Variants in MAGI2 observed in about 807,000 individuals in gnomAD.
MAGI2 encodes membrane associated guanylate kinase, WW and PDZ domain containing 2, also known as membrane-associated guanylate kinase, WW and PDZ domain-containing protein 2.
In MAGI2, 35 loss-of-function variants were observed where a neutral mutation model predicts 133.3. The observed-to-expected ratio is 0.26, with a 90% CI of 0.20 to 0.35. The LOEUF (loss-of-function observed/expected upper bound fraction) is 0.35, where lower values mean the gene tolerates loss of function less well. Among genes scored for constraint, MAGI2 ranks in the 10% least tolerant of loss-of-function variants. The probability of loss-of-function intolerance (pLI) is 1.00; values close to 1 mark genes in which losing one functional copy is unlikely to be tolerated. For synonymous variants in MAGI2, 729 were observed against 710.6 expected (o/e 1.03, Z -0.41); for missense variants, 1,636 against 1,863.4 (o/e 0.88, Z 2.25).
intron 2 of MAGI2, among the ~76,000 whole-genome samples, chr7:78,693,395 A>C (rs1325668946): frequency 3.3e-5 from 5 of 152,162 alleles, no homozygotes; most frequent in Non-Finnish European, 7.3e-5. Context: ...TGCTTGTATA[A>C]AATATTCTTA....
chr7:78,191,310 G>A (rs958441623), intron 12 of MAGI2, among the ~76,000 whole-genome samples: 4 of 151,828 alleles, frequency 2.6e-5, no homozygotes, highest in African/African-American at 9.7e-5. Flanking sequence ...ATATTGTCTT[G>A]ATTGAATATG....
chr7:78,893,339 A>C (rs1464272823), intron 2 of MAGI2, among the ~76,000 whole-genome samples: 2 of 152,270 alleles, frequency 1.3e-5, no homozygotes, highest in East Asian at 1.9e-4. Context: ...TCAGGGATCT[A>C]GAATTAGAAA....
intron 2 of MAGI2, among the ~76,000 whole-genome samples, chr7:78,793,762 G>T (rs1442373960): frequency 1.3e-5 from 2 of 152,144 alleles, no homozygotes; most frequent in African/African-American, 4.8e-5. Flanking sequence ...AAAAATATCT[G>T]ATTAGTATTT....
chr7:78,701,479 C>A (rs915900498), intron 2 of MAGI2, among the ~76,000 whole-genome samples: 1 of 151,880 alleles, frequency 6.6e-6, no homozygotes, highest in African/African-American at 2.4e-5. Context: ...GATTTTCTTT[C>A]TTTTGCTCTT....
intron 2 of MAGI2, among the ~76,000 whole-genome samples, chr7:78,810,202 T>C (rs1788926157): frequency 6.6e-6 from 1 of 152,116 alleles, no homozygotes. Context: ...ATTCCAAGTA[T>C]TGGTGTTTAG....
intron 1 of MAGI2, among the ~76,000 whole-genome samples, chr7:79,050,349 G>T (rs1812562381): frequency 6.6e-6 from 1 of 152,098 alleles, no homozygotes; most frequent in Non-Finnish European, 1.5e-5. Context: ...CCTCTTTAAT[G>T]TCACACTATG....
intron 7 of MAGI2, among the ~76,000 whole-genome samples, chr7:78,355,016 A>C (rs1228519726): frequency 6.6e-6 from 1 of 152,200 alleles, no homozygotes; most frequent in African/African-American, 2.4e-5. Context: ...AAGTTGCTTC[A>C]GTGTTGTTTT....
In MAGI2 at chr7:79,237,233, C is replaced by G. The variant is rs143130645; in HGVS notation, c.301+215787G>C. Among the ~76,000 whole-genome samples the G allele has an allele frequency of 2.3e-3, 348 of 152,314 alleles. 2 individuals are homozygous for G. Among genetic ancestry groups the G allele is most frequent in the Non-Finnish European group, 4.2e-3 (288 of 68,036 alleles). ...TACACTTGCCGGGCGCGGTGGCTCA[C>G]GCCTGTAATCCCAGCACTTTGGGAG... On this transcript the variant is annotated intron_variant, in intron 1 of 21. Coordinates refer to ENST00000354212, the MANE Select transcript of MAGI2 (RefSeq NM_012301.4).
rs573351554 is a variant in MAGI2, at chr7:78,240,183, T to G, written c.2047+15760A>C. On this transcript the variant is annotated intron_variant, in intron 10 of 21. Coordinates refer to ENST00000354212, the MANE Select transcript of MAGI2 (RefSeq NM_012301.4). ...AGTGTGTGATGTTCCCTGCCCTGTG[T>G]CCAAGTGATCTCCTTGTTCAGTTCC... 5.3e-5 allele frequency among the ~76,000 whole-genome samples: 8 copies of G among 152,342 alleles called. No homozygotes were observed. In the East Asian group the frequency reaches 1.5e-3, roughly 29 times the overall value.
chr7:78,961,671 G>A (rs1802855177), intron 2 of MAGI2, among the ~76,000 whole-genome samples: 1 of 152,030 alleles, frequency 6.6e-6, no homozygotes, highest in Non-Finnish European at 1.5e-5. Context: ...TGACTCTTGA[G>A]CCCTCTAAAA....
intron 2 of MAGI2, among the ~76,000 whole-genome samples, chr7:78,790,579 G>A (rs1026755074): frequency 3.3e-5 from 5 of 151,818 alleles, no homozygotes; most frequent in Non-Finnish European, 7.4e-5. Flanking sequence ...GATTACAGGC[G>A]CCCACCACCA....
At chr7:78,984,457 C>A (rs1285731601) in intron 2 of MAGI2, among the ~76,000 whole-genome samples, 1 of 151,716 alleles carries the variant, frequency 6.6e-6, no homozygotes, top group African/African-American at 2.4e-5. Context: ...TTCTACCACT[C>A]CCCTTCCTTC....
At chr7:79,200,287 T>TA (rs1828475862) in intron 1 of MAGI2, among the ~76,000 whole-genome samples, 1 of 151,910 alleles carries the variant, frequency 6.6e-6, no homozygotes, top group African/African-American at 2.4e-5. Context: ...AACAAAAAGT[T>TA]GCTGGAAAAA....
chr7:78,884,824 C>T (rs7789885), intron 2 of MAGI2, among the ~76,000 whole-genome samples: 21,700 of 152,056 alleles, frequency 0.14, 1,539 homozygotes, highest in East Asian at 0.22. Flanking sequence ...ACTGGATATA[C>T]ACCCAAACAA....
At chr7:79,067,220 T>C (rs1388572322) in intron 1 of MAGI2, among the ~76,000 whole-genome samples, 4 of 152,232 alleles carry the variant, frequency 2.6e-5, no homozygotes, top group Non-Finnish European at 5.9e-5. Context: ...TTTCATGATA[T>C]TGATTCTTCC....
chr7:78,848,820 C>T (rs576877700), intron 2 of MAGI2, among the ~76,000 whole-genome samples: 111 of 152,006 alleles, frequency 7.3e-4, no homozygotes, highest in African/African-American at 2.6e-3. Context: ...GTAATGTCAT[C>T]ATCCACGACC....
chr7:78,646,035 G>A (rs1482813805), intron 2 of MAGI2, among the ~76,000 whole-genome samples: 1 of 152,130 alleles, frequency 6.6e-6, no homozygotes, highest in Admixed American at 6.5e-5. Flanking sequence ...CACTGCACCT[G>A]GCCCAGCAAA....
Position 78,033,674 on chromosome 7 carries a change from G to A in MAGI2, c.3707-13698C>T, listed in dbSNP as rs1177034895. On this transcript the variant is annotated intron_variant, in intron 21 of 21. Transcript: ENST00000354212. ...AGAGAACAGATTGTTCTGTATATGG[G>A]CCTTAGGGAAAGTGTGAGTTTGAGT... 5.9e-5 allele frequency among the ~76,000 whole-genome samples: 9 copies of A among 152,184 alleles called. No homozygotes were observed. In the East Asian group the frequency reaches 1.5e-3, roughly 26 times the overall value.
intron 2 of MAGI2, among the ~76,000 whole-genome samples, chr7:78,994,914 G>A (rs1007075402): frequency 1.4e-4 from 22 of 151,964 alleles, no homozygotes; most frequent in Non-Finnish European, 1.9e-4. Flanking sequence ...TGAAGAACTG[G>A]GGACTCTTAT....
Sources: allele counts gnomAD v4.1 joint callset (sites outside exome capture counted in the v4.1 genomes callset), GRCh38; gene constraint gnomAD v4.1.1; transcripts MANE v1.5; gene names NCBI Gene and HGNC (gene_info 2026-07-23, HGNC 2026-07-21).